RAD23B: variants seen among roughly 807,000 people sequenced by gnomAD.
RAD23B encodes lysine-specific demethylase RAD23B.
RAD23B carries 5 observed loss-of-function variants against 49.1 expected under a neutral mutation model. The observed-to-expected ratio is 0.10, with a 90% CI of 0.05 to 0.21. The LOEUF (loss-of-function observed/expected upper bound fraction) is 0.21, where lower values mean the gene tolerates loss of function less well. RAD23B is among the 10% of genes least tolerant of loss of function. RAD23B has a pLI of 1.00. For synonymous variants in RAD23B, 184 were observed against 165.4 expected, an observed-to-expected ratio of 1.11 and a Z score of -0.86; for missense variants, 356 against 486.7, an observed-to-expected ratio of 0.73 and a Z score of 2.53.
chr9:107,290,509 A>C (rs181323336), intron 1 of RAD23B, among the ~76,000 whole-genome samples: 25 of 152,234 alleles, frequency 1.6e-4, no homozygotes, highest in African/African-American at 6.0e-4. Flanking sequence ...CTCTTTTCAG[A>C]TCCACCATAC....
In RAD23B at chr9:107,329,536, C is replaced by T. The variant is rs1414556366; in HGVS notation, c.1117-7C>T. The stretch of plus-strand genomic sequence containing the variant: ...TTGGATTTATATTTTTTTCCTTTTT[C>T]TTCCAGTTAAAGGCATTAGGATTTC... On this transcript the variant is annotated splice_region_variant and splice_polypyrimidine_tract_variant and intron_variant, in intron 9 of 9. Transcript: ENST00000358015. 16 of 1,552,960 alleles carry T rather than the reference C, an allele frequency of 1.0e-5. No individual in the cohort carries two copies. The Admixed American group carries it at 1.8e-4, about 18-fold the overall frequency.
intron 3 of RAD23B, among the ~76,000 whole-genome samples, chr9:107,305,759 C>A (rs1385495386): frequency 6.6e-6 from 1 of 151,946 alleles, no homozygotes; most frequent in Non-Finnish European, 1.5e-5. Flanking sequence ...TCTAAAAATA[C>A]AGTACAACAG....
chr9:107,305,187 C>T (rs1826737618), intron 3 of RAD23B, among the ~76,000 whole-genome samples: 1 of 151,904 alleles, frequency 6.6e-6, no homozygotes, highest in Non-Finnish European at 1.5e-5. Context: ...TCCCAGCTAC[C>T]TGGTGTTGGG....
intron 1 of RAD23B, among the ~76,000 whole-genome samples, chr9:107,298,138 A>G (rs996614652): frequency 2.0e-5 from 3 of 152,168 alleles, no homozygotes; most frequent in Admixed American, 6.5e-5. Context: ...TTGAGAAGAA[A>G]TTTACCATAC....
chr9:107,315,619 T>C lies in RAD23B; in HGVS notation c.554-3133T>C, dbSNP rs528307663. Among the ~76,000 whole-genome samples, 14 of 152,230 alleles carry C rather than the reference T, an allele frequency of 9.2e-5. No individual in the cohort carries two copies. The South Asian group carries it at 1.5e-3, about 16-fold the overall frequency. ...ACCTCCGCCTCTTAGGTTCAAGAAA[T>C]TCTCCTGCCTCAGCCTTCCAAGTAG... is the stretch of plus-strand genomic sequence containing the variant. On this transcript the variant is annotated intron_variant, in intron 5 of 9. Coordinates refer to ENST00000358015, the MANE Select transcript of RAD23B (RefSeq NM_002874.5).
intron 9 of RAD23B, among the ~76,000 whole-genome samples, chr9:107,328,363 G>C (rs1482203431): frequency 6.6e-6 from 1 of 152,146 alleles, no homozygotes; most frequent in Non-Finnish European, 1.5e-5. Context: ...GTGATTTTGG[G>C]ATGAAACTGT....
chr9:107,319,069 T>C (rs1827055155), intron 6 of RAD23B, among the ~76,000 whole-genome samples, 190 bp downstream of exon 6: 2 of 152,042 alleles, frequency 1.3e-5, no homozygotes, highest in African/African-American at 4.8e-5. Context: ...GGTCCAACAT[T>C]GTAGTAGCTT....
intron 1 of RAD23B, among the ~76,000 whole-genome samples, chr9:107,290,635 T>A (rs1047241517): frequency 1.3e-5 from 2 of 152,240 alleles, no homozygotes; most frequent in African/African-American, 4.8e-5. Flanking sequence ...ATTGAACTGC[T>A]TTCCTAACAG....
chr9:107,300,084 T>A lies in RAD23B; in HGVS notation c.67-57T>A, dbSNP rs577764641. The A allele has an allele frequency of 2.5e-5, 39 of 1,571,492 alleles. No individual in the cohort carries two copies. The East Asian group carries it at 8.2e-4, about 33-fold the overall frequency. On this transcript the variant is annotated intron_variant, in intron 1 of 9. Coordinates refer to ENST00000358015, the MANE Select transcript of RAD23B (RefSeq NM_002874.5). The stretch of plus-strand genomic sequence containing the variant: ...TGTCTTCCATTATTTATTCAGATTC[T>A]GGATTGTCATTTTTTATTTAGACTT...
chr9:107,284,874 A>G (rs1833243773), intron 1 of RAD23B: 9 of 1,249,782 alleles, frequency 7.2e-6, no homozygotes, highest in Non-Finnish European at 9.6e-6. Context: ...TCTGTATAAT[A>G]GGGATAATAC....
intron 1 of RAD23B, among the ~76,000 whole-genome samples, chr9:107,291,286 G>A (rs1321246783): frequency 1.3e-5 from 2 of 152,126 alleles, no homozygotes; most frequent in African/African-American, 4.8e-5. Context: ...TGCTTACTCA[G>A]TTTTCAAATT....
intron 8 of RAD23B, 95 bp downstream of exon 8, chr9:107,324,112 G>A (rs943537080): frequency 6.1e-6 from 8 of 1,308,178 alleles, no homozygotes; most frequent in African/African-American, 5.9e-5. Context: ...ATACAACTCT[G>A]TATTTGAGAA....
chr9:107,326,233 A>C (rs1827199106), intron 9 of RAD23B, among the ~76,000 whole-genome samples: 1 of 151,778 alleles, frequency 6.6e-6, no homozygotes, highest in South Asian at 2.1e-4. Flanking sequence ...TCTTAGGGTG[A>C]GTTGGGAATT....
At chr9:107,321,406 C>CTGCCTGGCCACTGTG (rs1827109464) in intron 6 of RAD23B, among the ~76,000 whole-genome samples, 2 of 152,128 alleles carry the variant, frequency 1.3e-5, no homozygotes, top group African/African-American at 4.8e-5. Flanking sequence ...GGAGATCCTC[C>CTGCCTGGCCACTGTG]TGCCTGGCCA....
intron 3 of RAD23B, among the ~76,000 whole-genome samples, chr9:107,303,592 G>A (rs997998346): frequency 6.6e-6 from 1 of 152,058 alleles, no homozygotes; most frequent in African/African-American, 2.4e-5. Flanking sequence ...TAGTTACATT[G>A]TTTTGCAGCT....
At chr9:107,306,073 C>A (rs7037649) in intron 3 of RAD23B, among the ~76,000 whole-genome samples, 24,796 of 61,370 alleles carry the variant, frequency 0.4, 3,448 homozygotes, top group African/African-American at 0.56. Flanking sequence ...ATATATATAT[C>A]TATATATCTA....
chr9:107,289,500 G>A (rs1833342871), intron 1 of RAD23B, among the ~76,000 whole-genome samples: 1 of 152,094 alleles, frequency 6.6e-6, no homozygotes, highest in African/African-American at 2.4e-5. Context: ...AATATTTCTT[G>A]TAGGATTTTT....
chr9:107,316,994 G>A (rs1382578793), intron 5 of RAD23B, among the ~76,000 whole-genome samples: 1 of 152,222 alleles, frequency 6.6e-6, no homozygotes, highest in African/African-American at 2.4e-5. Flanking sequence ...AGGAAAAGGT[G>A]TGGCCTGCTG....
At chr9:107,308,571 C>G (rs890858991) in intron 4 of RAD23B, among the ~76,000 whole-genome samples, 3 of 152,146 alleles carry the variant, frequency 2.0e-5, no homozygotes, top group Non-Finnish European at 2.9e-5. Context: ...CTTACCTATT[C>G]TAAAAAGAGC....
Sources: gnomAD v4.1 joint callset for allele counts (sites outside exome capture counted in the v4.1 genomes callset) on GRCh38, gnomAD v4.1.1 for gene constraint, MANE v1.5 for transcripts, NCBI Gene and HGNC (gene_info 2026-07-23, HGNC 2026-07-21) for gene names.